The following DMAC1 variants were observed in gnomAD, a reference collection of about 807,000 sequenced individuals.
DMAC1 encodes distal membrane arm assembly component 1.
DMAC1 carries 10 observed loss-of-function variants against 7.0 expected under a neutral mutation model. The observed-to-expected ratio is 1.43, with a 90% CI of 0.88 to 2.43. The LOEUF is 2.43. Among genes scored for constraint, DMAC1 ranks in the 30% most tolerant of loss-of-function variants. The pLI, the probability that DMAC1 is intolerant of heterozygous loss-of-function variation, is 0.00. For missense variants in DMAC1, 219 were observed against 158.7 expected (o/e 1.38, Z -2.04); for synonymous variants, 92 against 66.2 (o/e 1.39, Z -1.90).
Position 7,798,385 on chromosome 9 carries a change from GAAGGCCAC to G in DMAC1, c.*180_*187del, listed in dbSNP as rs1818658240. On this transcript the variant is annotated 3_prime_UTR_variant, in exon 2 of 2. Transcript: ENST00000358227. ...ATTTATTGGTTCCTGTGAAATCTGT[GAAGGCCAC>G]AAACACTCCATAGCCAGAGAATGAC... The G allele has an allele frequency of 1.6e-6, 1 of 610,378 alleles. No homozygotes were observed. Among genetic ancestry groups the G allele is most frequent in the South Asian group, 2.2e-5 (1 of 45,698 alleles). The allele number at this position is 610,378 out of a possible 1,614,324, so 37.8% of individuals were successfully genotyped here.
In DMAC1 at chr9:7,799,488, T is replaced by C. The variant is rs115288685; in HGVS notation, c.247A>G (p.Thr83Ala). The change falls in exon 1 of 2, where the codon ACC becomes GCC. Residue 83 changes from threonine to alanine, a missense_variant. Transcript: ENST00000358227. ...AGGCCGATGACCATCTGCGTAATGG[T>C]CCATGGACTCGGGGGGTATCCCATC... ...MKMGYPPSPWTITQMVIGLSI... is the reference protein window; with the variant it reads ...MKMGYPPSPWAITQMVIGLSI... The C allele has an allele frequency of 7.4e-4, 1,200 of 1,612,936 alleles. 8 individuals carry two copies. In the African/African-American group the frequency reaches 0.014, roughly 19 times the overall value.
intron 1 of DMAC1, among the ~76,000 whole-genome samples, chr9:7,798,926 T>C (rs1440023284): frequency 6.6e-6 from 1 of 152,146 alleles, no homozygotes; most frequent in African/African-American, 2.4e-5. Flanking sequence ...TGACGTTTGA[T>C]TGGATGACAT....
At chr9:7,798,980 G>A (rs1043615340) in intron 1 of DMAC1, among the ~76,000 whole-genome samples, 4 of 152,204 alleles carry the variant, frequency 2.6e-5, no homozygotes, top group African/African-American at 9.6e-5. Flanking sequence ...TTACCCAGGT[G>A]TACCAAGTAG....
intron 1 of DMAC1, 129 bp from the exon 2 acceptor site, chr9:7,798,766 A>C (rs780305708): frequency 1.1e-4 from 70 of 627,902 alleles, no homozygotes; most frequent in Non-Finnish European, 1.5e-4. Flanking sequence ...TCTTTCTTAT[A>C]AGGCAAGTGA....
At position 7,799,768 on chromosome 9, in the gene DMAC1, T is replaced by G; in HGVS notation, c.-34A>C. 2 of 1,495,304 alleles carry G rather than the reference T, an allele frequency of 1.3e-6. No homozygotes were observed. The highest frequency in any genetic ancestry group is 8.9e-7 in the Non-Finnish European group (1 of 1,128,298). The allele number at this position is 1,495,304 out of a possible 1,614,324, so 92.6% of individuals were successfully genotyped here. A position where few individuals can be genotyped will look rare whatever the true frequency, so the allele number is the denominator to read the frequency against. On this transcript the variant is annotated 5_prime_UTR_variant, in exon 1 of 2. Transcript: ENST00000358227. ...ACTCGGCCTCAACCTTGGGCGTCTT[T>G]GGTTCAAACTGGCGTAAACGACGCA...
In DMAC1 at chr9:7,796,873, C is replaced by T. The variant is rs1278354279; in HGVS notation, c.*1700G>A. On this transcript the variant is annotated 3_prime_UTR_variant, in exon 2 of 2. Coordinates refer to ENST00000358227, the MANE Select transcript of DMAC1 (RefSeq NM_033428.3). ...GTGTTAATCAACTGCTTTATGTTAT[C>T]AATAAGGCTTCCAGTCAATTGTAAA... The T allele has an allele frequency of 1.8e-4, 28 of 152,034 alleles. No individual in the cohort carries two copies. The highest frequency in any genetic ancestry group is 1.5e-5 in the Non-Finnish European group (1 of 68,002). 9.4% of individuals were successfully genotyped at this position (152,034 alleles called of 1,614,324 possible). A position where few individuals can be genotyped will look rare whatever the true frequency, so the allele number is the denominator to read the frequency against.
chr9:7,799,411 T>G (rs759861098), intron 1 of DMAC1, 50 bp downstream of exon 1: 3 of 1,598,204 alleles, frequency 1.9e-6, no homozygotes, highest in Non-Finnish European at 2.6e-6. Context: ...GTTTCCTTCC[T>G]CTACCCCGCA....
In DMAC1 at chr9:7,798,757, C is replaced by T. The variant is rs1484759345; in HGVS notation, c.275-120G>A. On this transcript the variant is annotated intron_variant, in intron 1 of 1. Coordinates refer to ENST00000358227, the MANE Select transcript of DMAC1 (RefSeq NM_033428.3). ...TCTGGAGGATATATTACCATTGTAT[C>T]TTTCTTATAAGGCAAGTGAAGCACA... is the stretch of plus-strand genomic sequence containing the variant. 9.0e-6 allele frequency: 7 copies of T among 774,484 alleles called. No homozygotes were observed. The East Asian group carries it at 2.0e-4, about 23-fold the overall frequency. 48.0% of individuals were successfully genotyped at this position (774,484 alleles called of 1,614,324 possible).
chr9:7,798,460 T>G lies in DMAC1; in HGVS notation c.*113A>C, dbSNP rs182152088. 147 of 1,121,960 alleles carry G rather than the reference T, an allele frequency of 1.3e-4. No individual in the cohort carries two copies. The East Asian group carries it at 3.4e-3, about 26-fold the overall frequency. The allele number at this position is 1,121,960 out of a possible 1,614,324, so 69.5% of individuals were successfully genotyped here. A position where few individuals can be genotyped will look rare whatever the true frequency, so the allele number is the denominator to read the frequency against. ...CTCAGTCTTGTAGTATCCACAGTAG[T>G]GATGTCTGTCCATGTACAAGTGTCT... On this transcript the variant is annotated 3_prime_UTR_variant, in exon 2 of 2. Transcript: ENST00000358227.
chr9:7,798,817 T>A (rs1818674485), intron 1 of DMAC1, among the ~76,000 whole-genome samples, 180 bp from the exon 2 acceptor site: 1 of 151,996 alleles, frequency 6.6e-6, no homozygotes, highest in Admixed American at 6.6e-5. Flanking sequence ...AAAAAGAATA[T>A]CCTGTAGGAG....
intron 1 of DMAC1, 113 bp downstream of exon 1, chr9:7,799,348 C>T (rs1818689263): frequency 7.1e-7 from 1 of 1,411,326 alleles, no homozygotes; most frequent in Non-Finnish European, 9.5e-7. Flanking sequence ...CCCCCACCAC[C>T]TGACCAGCGG....
chr9:7,797,963 C>G lies in DMAC1; in HGVS notation c.*610G>C, dbSNP rs1434007000. On this transcript the variant is annotated 3_prime_UTR_variant, in exon 2 of 2. Transcript: ENST00000358227. ...TAACTACCTCAGACTAGCTGTGAAGCTCTCATAAGGTGATGGATTTGAAAA... is the reference window on the plus strand; with the variant it reads ...TAACTACCTCAGACTAGCTGTGAAGGTCTCATAAGGTGATGGATTTGAAAA... 1.3e-5 allele frequency: 2 copies of G among 152,310 alleles called. No individual in the cohort carries two copies. The highest frequency in any genetic ancestry group is 3.9e-4 in the East Asian group (2 of 5,172). The allele number at this position is 152,310 out of a possible 1,614,324, so 9.4% of individuals were successfully genotyped here.
At chr9:7,798,941 A>G (rs921892503) in intron 1 of DMAC1, among the ~76,000 whole-genome samples, 3 of 152,188 alleles carry the variant, frequency 2.0e-5, no homozygotes, top group African/African-American at 7.2e-5. Flanking sequence ...TGACATCTTG[A>G]CGATCACAGA....
chr9:7,798,769 G>T, intron 1 of DMAC1, 132 bp from the exon 2 acceptor site: 1 of 681,794 alleles, frequency 1.5e-6, no homozygotes, highest in Non-Finnish European at 2.2e-6. Context: ...TTCTTATAAG[G>T]CAAGTGAAGC....
chr9:7,799,294 AG>A (rs979231964), intron 1 of DMAC1, among the ~76,000 whole-genome samples, 166 bp downstream of exon 1: 4 of 149,482 alleles, frequency 2.7e-5, no homozygotes, highest in African/African-American at 1.0e-4. Flanking sequence ...AAAAAAAAAA[AG>A]AAAGGCGTTC....
chr9:7,799,612 G>A lies in DMAC1; in HGVS notation c.123C>T (p.His41=). ...TPGAPTSPAE[H]RLLKTCWSCR... ...AGCTCCAGCAGGTCTTCAACAGGCG[G>A]TGTTCTGCTGGGGAGGTCGGCGCTC... Residue 41 remains histidine (H), a synonymous_variant, in exon 1 of 2, where the codon CAC becomes CAT. Transcript: ENST00000358227. The A allele has an allele frequency of 6.2e-7, 1 of 1,613,494 alleles. No individual in the cohort carries two copies. The highest frequency in any genetic ancestry group is 8.5e-7 in the Non-Finnish European group (1 of 1,179,928).
At chr9:7,799,254 G>C (rs548755645) in intron 1 of DMAC1, among the ~76,000 whole-genome samples, 1 of 151,674 alleles carries the variant, frequency 6.6e-6, no homozygotes, top group South Asian at 2.1e-4. Context: ...GTCTAATAAG[G>C]GTTCTCAAGA....
Position 7,797,670 on chromosome 9 carries a change from C to A in DMAC1, c.*903G>T, listed in dbSNP as rs1291785575. The A allele has an allele frequency of 6.6e-6, 1 of 151,204 alleles. No individual in the cohort carries two copies. Among genetic ancestry groups the A allele is most frequent in the Non-Finnish European group, 1.5e-5 (1 of 67,898 alleles). The allele number at this position is 151,204 out of a possible 1,614,324, so 9.4% of individuals were successfully genotyped here. ...TCTCAAAATCATCACAGAAACATAT[C>A]TAGTGCTTGTGGAAAAAGAATCAAA... On this transcript the variant is annotated 3_prime_UTR_variant, in exon 2 of 2. Transcript: ENST00000358227.
At position 7,797,580 on chromosome 9, in the gene DMAC1, A is replaced by T. The variant is rs1818634615; in HGVS notation, c.*993T>A. The T allele has an allele frequency of 6.6e-6, 1 of 152,248 alleles. No homozygotes were observed. The highest frequency in any genetic ancestry group is 1.5e-5 in the Non-Finnish European group (1 of 68,036). 9.4% of individuals were successfully genotyped at this position (152,248 alleles called of 1,614,324 possible). ...AAGAAGCCATAGTATCTCAGGGTAGAAAAACCCAATAGGTAGAAAACATGG... is the reference window on the plus strand; with the variant it reads ...AAGAAGCCATAGTATCTCAGGGTAGTAAAACCCAATAGGTAGAAAACATGG... On this transcript the variant is annotated 3_prime_UTR_variant, in exon 2 of 2. Transcript: ENST00000358227.
Sources: gnomAD v4.1 joint callset for allele counts (sites outside exome capture counted in the v4.1 genomes callset) on GRCh38, gnomAD v4.1.1 for gene constraint, MANE v1.5 for transcripts, NCBI Gene and HGNC (gene_info 2026-07-23, HGNC 2026-07-21) for gene names.